KIF1B: variants seen among roughly 807,000 people sequenced by gnomAD.
The protein encoded by KIF1B is kinesin family member 1B.
KIF1B carries 76 observed loss-of-function variants against 241.9 expected under a neutral mutation model. The observed-to-expected ratio is 0.31, with a 90% CI of 0.26 to 0.38. The LOEUF (loss-of-function observed/expected upper bound fraction) is 0.38, where lower values mean the gene tolerates loss of function less well. Ranked by LOEUF, KIF1B falls within the 10% of genes least tolerant of loss-of-function variation. The probability of loss-of-function intolerance (pLI) is 1.00; values close to 1 mark genes in which losing one functional copy is unlikely to be tolerated. For missense variants in KIF1B, 1,622 were observed against 2,271.4 expected (o/e 0.71, Z 5.81); for synonymous variants, 750 against 796.7 (o/e 0.94, Z 0.99).
At chr1:10,250,111 C>T (rs753420585) in intron 2 of KIF1B, among the ~76,000 whole-genome samples, 12 of 152,040 alleles carry the variant, frequency 7.9e-5, no homozygotes, top group Non-Finnish European at 8.8e-5. Flanking sequence ...GAACCTGGGC[C>T]TGGTGTGTTT....
rs1638958029 is a variant in KIF1B at position 10,379,004 on chromosome 1, C to T, written c.*2417C>T. On this transcript the variant is annotated 3_prime_UTR_variant, in exon 49 of 49. Coordinates refer to ENST00000676179, the MANE Select transcript of KIF1B (RefSeq NM_001365951.3). ...CATTGTCTGATGGACACAATATGCC[C>T]TTCCGGTTCTATTCAAACCAGCAGG... 4.3e-6 allele frequency: 1 copy of T among 231,814 alleles called. No individual in the cohort carries two copies. The highest frequency in any genetic ancestry group is 1.8e-4 in the South Asian group (1 of 5,536). 14.4% of individuals were successfully genotyped at this position (231,814 alleles called of 1,614,324 possible).
intron 1 of KIF1B, among the ~76,000 whole-genome samples, chr1:10,215,147 T>TAC (rs1646746641): frequency 2.5e-5 from 1 of 39,488 alleles, no homozygotes; most frequent in African/African-American, 1.1e-4. Context: ...TTTATATATA[T>TAC]ATATATATAT....
chr1:10,293,608 G>A (rs1000439177), intron 17 of KIF1B, among the ~76,000 whole-genome samples: 4 of 151,878 alleles, frequency 2.6e-5, no homozygotes, highest in Non-Finnish European at 5.9e-5. Flanking sequence ...GGCCAAGGGT[G>A]GTCTTGATCT....
intron 38 of KIF1B, 83 bp downstream of exon 38, chr1:10,352,819 C>G: frequency 1.0e-6 from 1 of 976,782 alleles, no homozygotes; most frequent in East Asian, 2.4e-5. Context: ...TCATTAATGA[C>G]TCCCAGTTCG....
At chr1:10,271,721 G>T (rs1328970888) in intron 8 of KIF1B, 142 bp downstream of exon 8, 2 of 717,236 alleles carry the variant, frequency 2.8e-6, no homozygotes, top group Non-Finnish European at 5.0e-6. Flanking sequence ...GCAGTGTTGT[G>T]ACAGAGACCG....
chr1:10,269,096 T>G (rs1473317349), intron 7 of KIF1B, among the ~76,000 whole-genome samples: 2 of 152,220 alleles, frequency 1.3e-5, no homozygotes, highest in Non-Finnish European at 2.9e-5. Context: ...TTAGGTTTAT[T>G]GTACTGGCAA....
chr1:10,254,569 G>A (rs72865927), intron 2 of KIF1B, among the ~76,000 whole-genome samples: 5,353 of 152,116 alleles, frequency 0.035, 114 homozygotes, highest in Middle Eastern at 0.13. Flanking sequence ...GAAGTACATA[G>A]TAAGATCTTT....
At position 10,248,162 on chromosome 1, in the gene KIF1B, C is replaced by T. The variant is rs1463593075; in HGVS notation, c.107-8085C>T. ...TAGAAATATTTTTAAGGTCACTTTA[C>T]CTTTTGATCATTGAATATTGGGTCA... On this transcript the variant is annotated intron_variant, in intron 2 of 48. Transcript: ENST00000676179. Among the ~76,000 whole-genome samples, 3 of 150,506 alleles carry T rather than the reference C, an allele frequency of 2.0e-5. No individual in the cohort carries two copies. In the Admixed American group the frequency reaches 2.0e-4, roughly 10 times the overall value.
At chr1:10,258,395 T>G in intron 3 of KIF1B, 98 bp from the exon 4 acceptor site, 1 of 1,282,574 alleles carries the variant, frequency 7.8e-7, no homozygotes, top group South Asian at 1.3e-5. Context: ...TTTAGGTGAC[T>G]GTTCTGATTC....
rs1377684765 is a variant in KIF1B at position 10,215,172 on chromosome 1, A to ATATAT, written c.-80+4295_-80+4296insATATT. On this transcript the variant is annotated intron_variant, in intron 1 of 48. Coordinates refer to ENST00000676179, the MANE Select transcript of KIF1B (RefSeq NM_001365951.3). Reference sequence around the variant, plus strand: ...TATATATATATATATATATATATATATTTTTTTTTTTTTTTTTTTTTGAGA... The same window carrying ATATAT: ...TATATATATATATATATATATATATATATATTTTTTTTTTTTTTTTTTTTTTGAGA... Among the ~76,000 whole-genome samples, 36 of 45,360 alleles carry ATATAT rather than the reference A, an allele frequency of 7.9e-4. 1 individual carries two copies. The highest frequency in any genetic ancestry group is 2.6e-3 in the African/African-American group (26 of 9,982). The allele number at this position is 45,360 out of a possible 152,430, so 29.8% of individuals were successfully genotyped here.
intron 2 of KIF1B, among the ~76,000 whole-genome samples, chr1:10,232,958 C>CT (rs1159836047): frequency 6.6e-6 from 1 of 152,116 alleles, no homozygotes; most frequent in Non-Finnish European, 1.5e-5. Context: ...TGAAAAATGA[C>CT]TTAAGTTGTT....
rs769062614 is a variant in KIF1B at position 10,377,412 on chromosome 1, G to A, written c.*825G>A. 1.8e-5 allele frequency: 4 copies of A among 227,450 alleles called. No individual in the cohort carries two copies. Among genetic ancestry groups the A allele is most frequent in the Non-Finnish European group, 3.5e-5 (4 of 114,492 alleles). 14.1% of individuals were successfully genotyped at this position (227,450 alleles called of 1,614,324 possible). ...GGACCCCAGGGTTTGGCCGTGGGCCGTGATGGCAGCAGGCGGTGGGATGCT... is the reference window on the plus strand; with the variant it reads ...GGACCCCAGGGTTTGGCCGTGGGCCATGATGGCAGCAGGCGGTGGGATGCT... On this transcript the variant is annotated 3_prime_UTR_variant, in exon 49 of 49. Transcript: ENST00000676179.
chr1:10,234,651 A>G (rs1647026992), intron 2 of KIF1B, among the ~76,000 whole-genome samples: 2 of 151,230 alleles, frequency 1.3e-5, no homozygotes, highest in African/African-American at 4.9e-5. Flanking sequence ...CCTCCCAAGT[A>G]GCCGGGGCTA....
chr1:10,286,189 A>G (rs1016478124), intron 15 of KIF1B, among the ~76,000 whole-genome samples: 8 of 152,070 alleles, frequency 5.3e-5, no homozygotes, highest in Non-Finnish European at 1.5e-5. Context: ...ACAGGCATGT[A>G]CCACCACATC....
chr1:10,269,388 G>A (rs1416631262), intron 7 of KIF1B, among the ~76,000 whole-genome samples: 2 of 151,876 alleles, frequency 1.3e-5, no homozygotes, highest in Admixed American at 6.6e-5. Flanking sequence ...GGTGGCATGC[G>A]CCTGTGGTCC....
At chr1:10,324,939 AGTTTT>A (rs1651672778) in intron 26 of KIF1B, 44 bp downstream of exon 26, 1 of 1,608,258 alleles carries the variant, frequency 6.2e-7, no homozygotes. Context: ...AATAATGATT[AGTTTT>A]AAGTGTTTAA....
chr1:10,292,052 C>A lies in KIF1B; in HGVS notation c.1520C>A (p.Ala507Asp). The change falls in exon 17 of 49, where the codon GCT (alanine) becomes GAT (aspartate). Residue 507 changes from alanine (A) to aspartate (D), a missense_variant. Transcript: ENST00000676179. ...KTEAIRMERE[A>D]LLAEMGVAIR... ...TATACCTGTTTTTTTCCTAGAGAGGCTTTGTTGGCTGAGATGGGAGTTGCC... is the reference window on the plus strand; with the variant it reads ...TATACCTGTTTTTTTCCTAGAGAGGATTTGTTGGCTGAGATGGGAGTTGCC... The A allele has an allele frequency of 6.2e-7, 1 of 1,613,766 alleles. No homozygotes were observed. Among genetic ancestry groups the A allele is most frequent in the Non-Finnish European group, 8.5e-7 (1 of 1,179,838 alleles).
In KIF1B at chr1:10,305,727, A is replaced by G. The variant is rs1191725365; in HGVS notation, c.2115+8481A>G. 7 of 1,057,440 alleles carry G rather than the reference A, an allele frequency of 6.6e-6. No homozygotes were observed. The East Asian group carries it at 3.7e-4, about 56-fold the overall frequency. 65.5% of individuals were successfully genotyped at this position (1,057,440 alleles called of 1,614,324 possible). ...AGTCCTGATGATGATTTATTGTATCAATACCTCATTTTATTTGGTTGTGGT... is the reference window on the plus strand; with the variant it reads ...AGTCCTGATGATGATTTATTGTATCGATACCTCATTTTATTTGGTTGTGGT... On this transcript the variant is annotated intron_variant, in intron 22 of 48. Coordinates refer to ENST00000676179, the MANE Select transcript of KIF1B (RefSeq NM_001365951.3).
At chr1:10,269,670 AAT>A (rs1557678005) in intron 7 of KIF1B, among the ~76,000 whole-genome samples, 1 of 149,884 alleles carries the variant, frequency 6.7e-6, no homozygotes, top group Non-Finnish European at 1.5e-5. Flanking sequence ...AAATACAAAA[AAT>A]TAGCCGGTCA....
Sources: allele counts gnomAD v4.1 joint callset (sites outside exome capture counted in the v4.1 genomes callset), GRCh38; gene constraint gnomAD v4.1.1; transcripts MANE v1.5; gene names NCBI Gene and HGNC (gene_info 2026-07-23, HGNC 2026-07-21).